RSRC1: variants seen among roughly 807,000 people sequenced by gnomAD.
RSRC1 encodes the protein serine/Arginine-related protein 53.
Under a neutral mutation model 49.1 loss-of-function variants are expected in RSRC1, and 39 were observed. The ratio of observed to expected loss-of-function variants is 0.79; its 90% confidence interval spans 0.61 to 1.04. The LOEUF (loss-of-function observed/expected upper bound fraction) is 1.04, where lower values mean the gene tolerates loss of function less well. Ranked by LOEUF, RSRC1 falls within the 50% of genes least tolerant of loss-of-function variation. The probability of loss-of-function intolerance (pLI) is 0.00; values close to 1 mark genes in which losing one functional copy is unlikely to be tolerated. For synonymous variants in RSRC1, 143 were observed against 130.8 expected, an observed-to-expected ratio of 1.09 and a Z score of -0.63; for missense variants, 388 against 402.4, an observed-to-expected ratio of 0.96 and a Z score of 0.31.
intron 3 of RSRC1, among the ~76,000 whole-genome samples, chr3:158,178,548 A>C (rs187977902): frequency 2.0e-5 from 3 of 152,280 alleles, no homozygotes; most frequent in Non-Finnish European, 4.4e-5. Context: ...TGACCAAAAA[A>C]CTGTTTATTT....
chr3:158,542,585 T>C (rs1426062674), intron 8 of RSRC1, among the ~76,000 whole-genome samples: 1 of 152,154 alleles, frequency 6.6e-6, no homozygotes, highest in African/African-American at 2.4e-5. Context: ...AGACCACATA[T>C]TGTATGATTC....
chr3:158,201,879 T>C (rs1232427116), intron 3 of RSRC1, among the ~76,000 whole-genome samples: 1 of 152,218 alleles, frequency 6.6e-6, no homozygotes, highest in Non-Finnish European at 1.5e-5. Context: ...TTCATATATC[T>C]AGGAATTTTG....
chr3:158,200,273 C>T (rs370985703), intron 3 of RSRC1, among the ~76,000 whole-genome samples: 69 of 152,228 alleles, frequency 4.5e-4, no homozygotes, highest in Non-Finnish European at 5.9e-4. Flanking sequence ...CTCCTGACCT[C>T]GTGATCCCCT....
intron 5 of RSRC1, among the ~76,000 whole-genome samples, chr3:158,330,199 C>T (rs746972597): frequency 6.6e-6 from 1 of 152,170 alleles, no homozygotes; most frequent in African/African-American, 2.4e-5. Flanking sequence ...GGCGATGCCT[C>T]GCCCTGCTTC....
chr3:158,480,155 T>C (rs74717089), intron 7 of RSRC1, among the ~76,000 whole-genome samples: 1,661 of 152,148 alleles, frequency 0.011, 22 homozygotes, highest in African/African-American at 0.038. Context: ...AAGTTTTCCA[T>C]CTGTTAGTAT....
intron 3 of RSRC1, among the ~76,000 whole-genome samples, chr3:158,126,212 A>G (rs1333208491): frequency 6.6e-6 from 1 of 152,128 alleles, no homozygotes; most frequent in Admixed American, 6.5e-5. Flanking sequence ...ATCCAGTTAC[A>G]TTTACAATAA....
At chr3:158,219,298 T>G (rs1433768767) in intron 4 of RSRC1, among the ~76,000 whole-genome samples, 1 of 151,594 alleles carries the variant, frequency 6.6e-6, no homozygotes. Context: ...TCTTTTGTTT[T>G]CTTTCTTTCA....
intron 3 of RSRC1, among the ~76,000 whole-genome samples, chr3:158,179,299 A>G (rs1195290582): frequency 1.3e-5 from 2 of 152,292 alleles, no homozygotes; most frequent in East Asian, 1.9e-4. Context: ...GTAGTATGGT[A>G]TCACAACCAG....
intron 7 of RSRC1, among the ~76,000 whole-genome samples, chr3:158,522,476 C>A (rs1223230051): frequency 1.3e-5 from 2 of 152,012 alleles, no homozygotes; most frequent in African/African-American, 4.8e-5. Flanking sequence ...CAGCTGTACC[C>A]TACTTTCATG....
chr3:158,463,293 A>T (rs983135452), intron 7 of RSRC1, among the ~76,000 whole-genome samples: 31 of 151,830 alleles, frequency 2.0e-4, no homozygotes, highest in African/African-American at 6.8e-4. Context: ...TTGCTTCCAA[A>T]TTTTTTTTCT....
chr3:158,342,103 G>A (rs547741817), intron 5 of RSRC1, among the ~76,000 whole-genome samples: 1 of 152,322 alleles, frequency 6.6e-6, no homozygotes, highest in East Asian at 1.9e-4. Context: ...CTTATAGGCG[G>A]AAGGAATTTG....
At chr3:158,118,462 T>TGTGTGTGTGTGTGTGTGTGCGC (rs1491469875) in intron 1 of RSRC1, among the ~76,000 whole-genome samples, 45 of 124,716 alleles carry the variant, frequency 3.6e-4, no homozygotes, top group African/African-American at 7.6e-4. Context: ...TGTGTGTGTG[T>TGTGTGTGTGTGTGTGTGTGCGC]GCGCGTGCGC....
chr3:158,431,892 A>G (rs1578470410), intron 6 of RSRC1, among the ~76,000 whole-genome samples: 1 of 152,014 alleles, frequency 6.6e-6, no homozygotes, highest in South Asian at 2.1e-4. Flanking sequence ...TTTGTTATAT[A>G]CTTAATTGTT....
chr3:158,172,291 A>G (rs1718923810), intron 3 of RSRC1, among the ~76,000 whole-genome samples: 1 of 152,212 alleles, frequency 6.6e-6, no homozygotes, highest in East Asian at 1.9e-4. Flanking sequence ...AAAAACGTAA[A>G]GGAGAATTAT....
chr3:158,452,009 A>G (rs574397701), intron 6 of RSRC1, among the ~76,000 whole-genome samples: 4 of 152,162 alleles, frequency 2.6e-5, no homozygotes, highest in African/African-American at 9.6e-5. Context: ...TTACAAAGCA[A>G]GAGACTTTTT....
At chr3:158,504,202 T>G (rs1178564118) in intron 7 of RSRC1, among the ~76,000 whole-genome samples, 2 of 152,206 alleles carry the variant, frequency 1.3e-5, no homozygotes, top group Non-Finnish European at 2.9e-5. Context: ...ACTTCCACAG[T>G]TGGGGCACTC....
At chr3:158,533,857 TAAA>T (rs1477899586) in intron 7 of RSRC1, among the ~76,000 whole-genome samples, 1 of 151,644 alleles carries the variant, frequency 6.6e-6, no homozygotes, top group African/African-American at 2.4e-5. Context: ...ATGTAATTAA[TAAA>T]AAATTTATCT....
At chr3:158,258,813 C>T (rs971159048) in intron 4 of RSRC1, among the ~76,000 whole-genome samples, 1 of 151,990 alleles carries the variant, frequency 6.6e-6, no homozygotes, top group Non-Finnish European at 1.5e-5. Flanking sequence ...CTTTCTTCTG[C>T]TTGATCGGTT....
intron 3 of RSRC1, among the ~76,000 whole-genome samples, chr3:158,147,101 C>CTTTTTT: frequency 1.9e-5 from 1 of 52,128 alleles, no homozygotes; most frequent in Admixed American, 2.4e-4. Flanking sequence ...TGCTTTTCTG[C>CTTTTTT]CTTTTTTTTT....
Sources: allele counts gnomAD v4.1 joint callset (sites outside exome capture counted in the v4.1 genomes callset), GRCh38; gene constraint gnomAD v4.1.1; transcripts MANE v1.5; gene names NCBI Gene and HGNC (gene_info 2026-07-23, HGNC 2026-07-21).